OGDH: variants seen among roughly 807,000 people sequenced by gnomAD.
OGDH encodes 2-oxoglutarate dehydrogenase complex component E1.
OGDH carries 38 observed loss-of-function variants against 116.6 expected under a neutral mutation model. That is an observed-to-expected ratio of 0.33 (90% CI 0.25 to 0.43). OGDH has a LOEUF of 0.43. Ranked by LOEUF, OGDH falls within the 20% of genes least tolerant of loss-of-function variation. OGDH has a pLI of 1.00. For synonymous variants in OGDH, 488 were observed against 533.3 expected (o/e 0.92, Z 1.17); for missense variants, 825 against 1,357.2 (o/e 0.61, Z 6.16).
At chr7:44,699,703 C>G (rs149760228) in intron 18 of OGDH, among the ~76,000 whole-genome samples, 1 of 152,196 alleles carries the variant, frequency 6.6e-6, no homozygotes, top group African/African-American at 2.4e-5. Context: ...AAAGAAAAAC[C>G]TGAGACTGGG....
At chr7:44,651,749 A>T (rs1455207003) in intron 4 of OGDH, among the ~76,000 whole-genome samples, 2 of 133,638 alleles carry the variant, frequency 1.5e-5, no homozygotes, top group East Asian at 2.5e-4. Flanking sequence ...TTTAGTAGGG[A>T]CCATGTTTCA....
At position 44,674,046 on chromosome 7, in the gene OGDH, G is replaced by T; in HGVS notation, c.788+105G>T. The T allele has an allele frequency of 2.3e-6, 3 of 1,325,644 alleles. No individual in the cohort carries two copies. The South Asian group carries it at 4.0e-5, about 18-fold the overall frequency. 82.1% of individuals were successfully genotyped at this position (1,325,644 alleles called of 1,614,324 possible). A position where few individuals can be genotyped will look rare whatever the true frequency, so the allele number is the denominator to read the frequency against. The stretch of plus-strand genomic sequence containing the variant: ...CAGCCTGTTGGCCGAGGTGAGAGGG[G>T]GTTTGGGGTGGTACAGGCAAAGCTC... On this transcript the variant is annotated intron_variant, in intron 6 of 22. Coordinates refer to ENST00000222673, the MANE Select transcript of OGDH (RefSeq NM_002541.4).
At position 44,674,441 on chromosome 7, in the gene OGDH, C is replaced by T. The variant is rs1412602635; in HGVS notation, c.819C>T (p.Ser273=). 1 of 1,614,122 alleles carries T rather than the reference C, an allele frequency of 6.2e-7. No homozygotes were observed. The highest frequency in any genetic ancestry group is 1.1e-5 in the South Asian group (1 of 91,080). ...RFEEFLQRKW[S]SEKRFGLEGC... ...AGGAGTTCCTACAGCGGAAGTGGTC[C>T]TCTGAGAAGCGCTTTGGTCTAGAAG... Residue 273 remains serine, a synonymous_variant, in exon 7 of 23, where the codon TCC becomes TCT. Coordinates refer to ENST00000222673, the MANE Select transcript of OGDH (RefSeq NM_002541.4).
At chr7:44,688,256 A>C (rs1562675823) in intron 10 of OGDH, among the ~76,000 whole-genome samples, 2 of 151,814 alleles carry the variant, frequency 1.3e-5, no homozygotes, top group Admixed American at 6.6e-5. Flanking sequence ...CTGTAATCCC[A>C]GCTACTCTCG....
chr7:44,636,089 G>A (rs752929379), intron 2 of OGDH, among the ~76,000 whole-genome samples: 8 of 152,210 alleles, frequency 5.3e-5, no homozygotes, highest in Non-Finnish European at 1.2e-4. Flanking sequence ...AAGAAAACAG[G>A]CCAGAGAGCT....
intron 4 of OGDH, among the ~76,000 whole-genome samples, chr7:44,650,308 G>A (rs61646282): frequency 0.068 from 10,330 of 152,128 alleles, 1,128 homozygotes; most frequent in African/African-American, 0.23. Context: ...TTCAAGACCC[G>A]TCGTCTCATT....
At chr7:44,607,850 C>A (rs111386026) in intron 1 of OGDH, among the ~76,000 whole-genome samples, 19,048 of 151,970 alleles carry the variant, frequency 0.13, 2,338 homozygotes, top group East Asian at 0.44. Context: ...TACAGGCACG[C>A]GCCATCACGC....
chr7:44,607,198 T>A (rs187776290), intron 1 of OGDH, among the ~76,000 whole-genome samples: 1 of 152,354 alleles, frequency 6.6e-6, no homozygotes, highest in Non-Finnish European at 1.5e-5. Flanking sequence ...ACTGCCTGTT[T>A]GGATTACCGC....
intron 2 of OGDH, among the ~76,000 whole-genome samples, chr7:44,635,040 G>A (rs1353543412): frequency 6.6e-6 from 1 of 152,194 alleles, no homozygotes; most frequent in African/African-American, 2.4e-5. Flanking sequence ...CATTTCCTGG[G>A]CAGCATTGGA....
intron 4 of OGDH, among the ~76,000 whole-genome samples, chr7:44,650,001 C>G (rs1005506313): frequency 6.6e-6 from 1 of 152,080 alleles, no homozygotes; most frequent in Non-Finnish European, 1.5e-5. Flanking sequence ...TTCCTGAAAT[C>G]CTTTGAGGAG....
Position 44,617,226 on chromosome 7 carries a change from C to T in OGDH, c.-27-7091C>T, listed in dbSNP as rs561141967. Among the ~76,000 whole-genome samples, 5 of 151,996 alleles carry T rather than the reference C, an allele frequency of 3.3e-5. No homozygotes were observed. In the East Asian group the frequency reaches 9.7e-4, roughly 30 times the overall value. On this transcript the variant is annotated intron_variant, in intron 1 of 22. Coordinates refer to ENST00000222673, the MANE Select transcript of OGDH (RefSeq NM_002541.4). ...GGGATTACAGGCATGAACCACCATA[C>T]CCAACCATTTCTTTAGTCATAGATA...
At chr7:44,631,423 T>C (rs972015896) in intron 2 of OGDH, among the ~76,000 whole-genome samples, 1 of 152,198 alleles carries the variant, frequency 6.6e-6, no homozygotes, top group Non-Finnish European at 1.5e-5. Context: ...TAGGCAATTT[T>C]TCAACCCTCA....
chr7:44,639,085 G>A (rs1785804159), intron 2 of OGDH, among the ~76,000 whole-genome samples: 1 of 152,220 alleles, frequency 6.6e-6, no homozygotes, highest in Non-Finnish European at 1.5e-5. Context: ...CCAGGCCTGC[G>A]GGAAGGAAGG....
chr7:44,639,215 G>A (rs1458787351), intron 2 of OGDH, among the ~76,000 whole-genome samples: 1 of 152,180 alleles, frequency 6.6e-6, no homozygotes, highest in Non-Finnish European at 1.5e-5. Context: ...ATGAGGCAGG[G>A]GTGGGTAGTT....
At position 44,700,208 on chromosome 7, in the gene OGDH, C is replaced by T; in HGVS notation, c.2498C>T (p.Ser833Phe). 1 of 1,614,238 alleles carries T rather than the reference C, an allele frequency of 6.2e-7. No individual in the cohort carries two copies. Among genetic ancestry groups the T allele is most frequent in the Non-Finnish European group, 8.5e-7 (1 of 1,180,026 alleles). ...TGCAATTGGGTTGTTGTCAACTGCT[C>T]CACTCCTGGCAACTTCTTCCACGTG... Reference protein sequence around the residue: ...YDCNWVVVNCSTPGNFFHVLR... With the variant: ...YDCNWVVVNCFTPGNFFHVLR... Residue 833 changes from serine (S) to phenylalanine (F), a missense_variant, in exon 19 of 23, where the codon TCC (serine) becomes TTC (phenylalanine). Ser to Phe is a radical substitution (Grantham distance 155). Around this residue, in one of 7 missense-constraint regions of OGDH, gnomAD observed 212 missense variants for 284.3 expected, o/e 0.75. Coordinates refer to ENST00000222673, the MANE Select transcript of OGDH (RefSeq NM_002541.4).
chr7:44,639,244 G>A (rs1031573874), intron 2 of OGDH, among the ~76,000 whole-genome samples: 1 of 152,170 alleles, frequency 6.6e-6, no homozygotes, highest in Non-Finnish European at 1.5e-5. Context: ...TGGAGAAGAG[G>A]TATCTCCTTG....
Position 44,707,337 on chromosome 7 carries a change from G to A in OGDH, c.2745G>A (p.Glu915=). The stretch of plus-strand genomic sequence containing the variant: ...AAGTGTATTATGACCTCACCCGGGA[G>A]CGCAAAGCACGCGACATGGTGGGGC... ...TGKVYYDLTR[E]RKARDMVGQV... Residue 915 remains glutamate (E), a synonymous_variant, in exon 21 of 23, where the codon GAG becomes GAA. Transcript: ENST00000222673. The surrounding 1 kb of genome is among the most constrained non-coding windows in gnomAD (Gnocchi z 5.2). 1 of 1,614,282 alleles carries A rather than the reference G, an allele frequency of 6.2e-7. No homozygotes were observed. The highest frequency in any genetic ancestry group is 1.1e-5 in the South Asian group (1 of 91,092).
At chr7:44,702,423 C>G (rs1353097174) in intron 20 of OGDH, among the ~76,000 whole-genome samples, 3 of 152,182 alleles carry the variant, frequency 2.0e-5, no homozygotes, top group Non-Finnish European at 4.4e-5. Flanking sequence ...TCTATAGGGA[C>G]AGTGGAGTGC....
intron 9 of OGDH, 80 bp from the exon 10 acceptor site, chr7:44,681,638 CAA>C (rs1787933950): frequency 6.6e-7 from 1 of 1,519,132 alleles, no homozygotes; most frequent in Non-Finnish European, 8.9e-7. Flanking sequence ...TTTTGAAAAA[CAA>C]ATGATGCATT....
Sources: gnomAD v4.1 joint callset for allele counts (sites outside exome capture counted in the v4.1 genomes callset) on GRCh38, gnomAD v4.1.1 for gene constraint, gnomAD v4.1.1 regional missense constraint, Gnocchi (gnomAD v3.1) non-coding constraint, MANE v1.5 for transcripts, NCBI Gene and HGNC (gene_info 2026-07-23, HGNC 2026-07-21) for gene names.